Variants in HPSE observed in about 807,000 individuals in gnomAD.
HPSE encodes endo-glucoronidase.
HPSE carries 48 observed loss-of-function variants against 65.1 expected under a neutral mutation model. That is an observed-to-expected ratio of 0.74 (90% confidence interval 0.58 to 0.94). HPSE has a LOEUF of 0.94. Ranked by LOEUF, HPSE falls within the 40% of genes least tolerant of loss-of-function variation. HPSE has a pLI of 0.00. For synonymous variants in HPSE, 243 were observed against 260.0 expected, an observed-to-expected ratio of 0.93 and a Z score of 0.63; for missense variants, 644 against 637.5, an observed-to-expected ratio of 1.01 and a Z score of -0.11.
At chr4:83,302,704 G>A (rs142498298) in intron 9 of HPSE, among the ~76,000 whole-genome samples, 258 of 152,248 alleles carry the variant, frequency 1.7e-3, no homozygotes, top group African/African-American at 5.0e-3. Context: ...GGCCAGGCAC[G>A]GTGGCCAAAG....
chr4:83,325,579 A>G (rs1737118890), intron 1 of HPSE, among the ~76,000 whole-genome samples: 2 of 152,234 alleles, frequency 1.3e-5, no homozygotes, highest in Non-Finnish European at 2.9e-5. Flanking sequence ...GCATTATGCT[A>G]GTTGCTGGAG....
chr4:83,308,798 G>T, intron 8 of HPSE, 47 bp downstream of exon 8: 1 of 1,384,364 alleles, frequency 7.2e-7, no homozygotes, highest in Non-Finnish European at 1.0e-6. Flanking sequence ...TAGAAGGATG[G>T]AGAAGAGCTG....
chr4:83,310,591 G>A (rs1736328088), intron 5 of HPSE, 131 bp downstream of exon 5: 1 of 770,156 alleles, frequency 1.3e-6, no homozygotes, highest in African/African-American at 1.7e-5. Flanking sequence ...AGGATTGCTT[G>A]AGCCTGGGAG....
intron 3 of HPSE, among the ~76,000 whole-genome samples, chr4:83,317,209 G>A (rs1299627124): frequency 6.6e-6 from 1 of 152,194 alleles, no homozygotes; most frequent in Non-Finnish European, 1.5e-5. Context: ...TGGGACATGT[G>A]TTTTAAGGGT....
At chr4:83,302,325 T>G in intron 9 of HPSE, 57 bp from the exon 10 acceptor site, 1 of 1,092,010 alleles carries the variant, frequency 9.2e-7, no homozygotes, top group South Asian at 1.3e-5. Context: ...TATGTCCTTA[T>G]TTAATGAAAC....
chr4:83,303,662 G>A (rs1736044478), intron 9 of HPSE, among the ~76,000 whole-genome samples: 1 of 152,174 alleles, frequency 6.6e-6, no homozygotes, highest in Non-Finnish European at 1.5e-5. Context: ...CGATCCTCCT[G>A]CCTCAGCCTC....
intron 1 of HPSE, among the ~76,000 whole-genome samples, chr4:83,328,654 T>A (rs926352554): frequency 6.6e-6 from 1 of 151,564 alleles, no homozygotes; most frequent in Non-Finnish European, 1.5e-5. Flanking sequence ...GGTGCCATCA[T>A]GAGGGCAGAA....
chr4:83,329,576 G>A (rs1299728763), intron 1 of HPSE, among the ~76,000 whole-genome samples: 5 of 152,128 alleles, frequency 3.3e-5, no homozygotes, highest in Non-Finnish European at 5.9e-5. Flanking sequence ...AAGGTGCTCT[G>A]CTTTTTAGTA....
intron 9 of HPSE, among the ~76,000 whole-genome samples, chr4:83,305,214 T>G (rs1271507461): frequency 6.6e-6 from 1 of 152,142 alleles, no homozygotes; most frequent in African/African-American, 2.4e-5. Flanking sequence ...CTGGGAAAAT[T>G]TGGATGAGAT....
chr4:83,331,073 G>A (rs1291675072), intron 1 of HPSE, among the ~76,000 whole-genome samples: 2 of 152,090 alleles, frequency 1.3e-5, no homozygotes, highest in Non-Finnish European at 2.9e-5. Flanking sequence ...GCGTGGTGGT[G>A]CATGCCTCTA....
At chr4:83,312,692 A>G (rs1435605480) in intron 4 of HPSE, among the ~76,000 whole-genome samples, 2 of 134,828 alleles carry the variant, frequency 1.5e-5, no homozygotes, top group Non-Finnish European at 3.1e-5. Context: ...AAAAAAAAAA[A>G]AAAGTGTCAT....
In HPSE at chr4:83,326,474, G is replaced by C. The variant is rs1737160034; in HGVS notation, c.228-4110C>G. ...AGGAACAGGTGATAGACTGAAGATG[G>C]GGAGGAACAGGGAGGAGAAGGGGCA... On this transcript the variant is annotated intron_variant, in intron 1 of 11. Transcript: ENST00000311412. This position sits in a 1 kb window ranked among gnomAD's most constrained non-coding sequence, Gnocchi z 4.2. Among the ~76,000 whole-genome samples, 3 of 152,302 alleles carry C rather than the reference G, an allele frequency of 2.0e-5. No homozygotes were observed. The highest frequency in any genetic ancestry group is 6.8e-3 in the Middle Eastern group (2 of 294).
chr4:83,308,855 C>T lies in HPSE; in HGVS notation c.1081G>A (p.Ala361Thr). The T allele has an allele frequency of 6.2e-7, 1 of 1,613,626 alleles. No homozygotes were observed. The highest frequency in any genetic ancestry group is 8.5e-7 in the Non-Finnish European group (1 of 1,179,726). ...GAPLLSDTFA[A>T]GFMWLDKLGL... Reference sequence around the variant, plus strand: ...CGCTGCTTCACTCACATAAAGCCAGCTGCAAAGGTGTCGGATAGCAAGGGC... The same window carrying T: ...CGCTGCTTCACTCACATAAAGCCAGTTGCAAAGGTGTCGGATAGCAAGGGC... Residue 361 changes from alanine to threonine, a missense_variant, in exon 8 of 12, where the codon GCT (alanine) becomes ACT (threonine). Coordinates refer to ENST00000311412, the MANE Select transcript of HPSE (RefSeq NM_001098540.3).
intron 4 of HPSE, among the ~76,000 whole-genome samples, chr4:83,311,634 GA>G (rs960868416): frequency 5.9e-5 from 9 of 151,732 alleles, no homozygotes; most frequent in African/African-American, 2.4e-5. Context: ...CCAGACAAAA[GA>G]AAAAAAATTG....
rs755922696 is a variant in HPSE at position 83,306,261 on chromosome 4, T to G, written c.1148A>C (p.Gln383Pro). The change falls in exon 9 of 12, where the codon CAA (glutamine) becomes CCA (proline). Residue 383 changes from glutamine (Q) to proline (P), a missense_variant. Physicochemically the swap from Gln to Pro is moderately conservative, Grantham distance 76. Transcript: ENST00000311412. The part of the protein sequence containing the change: ...ARMGIEVVMR[Q>P]VFFGAGNYHL... ...GTAGTTTCCTGCTCCAAAGAATACT[T>G]GCCTCATCACCACTTCTATTCCCAT... is the stretch of plus-strand genomic sequence containing the variant. The G allele has an allele frequency of 6.2e-7, 1 of 1,614,008 alleles. No homozygotes were observed. Among genetic ancestry groups the G allele is most frequent in the Non-Finnish European group, 8.5e-7 (1 of 1,179,858 alleles).
In HPSE at chr4:83,300,972, C is replaced by T. The variant is rs1252128661; in HGVS notation, c.1460G>A (p.Gly487Glu). ...GAAAATTACTTACTTGGAAAGTAATCCATGAGGTCCCAAAGGTCTTAGAAG... is the reference window on the plus strand; with the variant it reads ...GAAAATTACTTACTTGGAAAGTAATTCATGAGGTCCCAAAGGTCTTAGAAG... The part of the protein sequence containing the change: ...KYLLRPLGPH[G>E]LLSKSVQLNG... The change falls in exon 11 of 12, where the codon GGA (glycine) becomes GAA (glutamate). Residue 487 changes from glycine (G) to glutamate (E), a missense_variant. Physicochemically the swap from Gly to Glu is moderately conservative, Grantham distance 98. Coordinates refer to ENST00000311412, the MANE Select transcript of HPSE (RefSeq NM_001098540.3). 5 of 1,587,350 alleles carry T rather than the reference C, an allele frequency of 3.1e-6. No homozygotes were observed. Among genetic ancestry groups the T allele is most frequent in the Non-Finnish European group, 4.3e-6 (5 of 1,168,562 alleles).
At chr4:83,328,181 A>T (rs1314034677) in intron 1 of HPSE, among the ~76,000 whole-genome samples, 1 of 152,206 alleles carries the variant, frequency 6.6e-6, no homozygotes, top group East Asian at 1.9e-4. Context: ...GAACAACAGA[A>T]ATGTATTGTC....
chr4:83,321,009 G>A (rs1400096824), intron 2 of HPSE, among the ~76,000 whole-genome samples: 1 of 152,134 alleles, frequency 6.6e-6, no homozygotes, highest in African/African-American at 2.4e-5. Flanking sequence ...AGATCAGCCT[G>A]GATAACATAG....
intron 10 of HPSE, 78 bp downstream of exon 10, chr4:83,302,072 G>T: frequency 2.3e-6 from 2 of 855,268 alleles, no homozygotes; most frequent in Non-Finnish European, 3.9e-6. Flanking sequence ...ATAGACACAT[G>T]CAACAGGGTG....
Sources: allele counts gnomAD v4.1 joint callset (sites outside exome capture counted in the v4.1 genomes callset), GRCh38; gene constraint gnomAD v4.1.1; non-coding constraint Gnocchi (gnomAD v3.1); transcripts MANE v1.5; gene names NCBI Gene and HGNC (gene_info 2026-07-23, HGNC 2026-07-21).